The following ERBB4 variants were observed in gnomAD, a reference collection of about 807,000 sequenced individuals.
ERBB4 encodes receptor tyrosine-protein kinase erbB-4.
In ERBB4, 42 loss-of-function variants were observed where a neutral mutation model predicts 158.0. The observed-to-expected ratio is 0.27, with a 90% CI of 0.21 to 0.34. The LOEUF is 0.34. ERBB4 is among the 10% of genes least tolerant of loss of function. The pLI, the probability that ERBB4 is intolerant of heterozygous loss-of-function variation, is 1.00. For missense variants in ERBB4, 1,333 were observed against 1,624.1 expected, an observed-to-expected ratio of 0.82 and a Z score of 3.08; for synonymous variants, 583 against 558.7, an observed-to-expected ratio of 1.04 and a Z score of -0.61.
At chr2:212,120,334 T>G (rs2079709560) in intron 2 of ERBB4, among the ~76,000 whole-genome samples, 1 of 152,202 alleles carries the variant, frequency 6.6e-6, no homozygotes, top group South Asian at 2.1e-4. Context: ...TTGATTGTCT[T>G]ATTCCCACAT....
intron 1 of ERBB4, among the ~76,000 whole-genome samples, chr2:212,437,608 C>G (rs1231149238): frequency 6.6e-6 from 1 of 151,924 alleles, no homozygotes; most frequent in Non-Finnish European, 1.5e-5. Flanking sequence ...TAAGTATTCT[C>G]TATTGTACAT....
chr2:211,436,444 G>A (rs1481498835), intron 20 of ERBB4, among the ~76,000 whole-genome samples: 2 of 152,092 alleles, frequency 1.3e-5, no homozygotes, highest in Non-Finnish European at 2.9e-5. Flanking sequence ...TACTCTCTCT[G>A]TCATCACCTT....
At chr2:212,206,002 A>G (rs1295680539) in intron 1 of ERBB4, among the ~76,000 whole-genome samples, 1 of 152,184 alleles carries the variant, frequency 6.6e-6, no homozygotes, top group Non-Finnish European at 1.5e-5. Context: ...GAGTCCTTAT[A>G]ATACCTATGA....
intron 1 of ERBB4, among the ~76,000 whole-genome samples, chr2:212,296,399 TA>T (rs375191048): frequency 1.7e-4 from 25 of 147,000 alleles, no homozygotes; most frequent in Admixed American, 2.7e-4. Context: ...GCTTCTAATC[TA>T]AAAAAAAAAG....
At chr2:211,988,240 AAGAGTGAGT>A (rs1559257240) in intron 2 of ERBB4, among the ~76,000 whole-genome samples, 1 of 152,128 alleles carries the variant, frequency 6.6e-6, no homozygotes, top group African/African-American at 2.4e-5. Flanking sequence ...ACGGTGGTTT[AAGAGTGAGT>A]TCCAAATAAC....
intron 4 of ERBB4, chr2:211,777,928 G>A (rs2075926336): frequency 6.6e-6 from 1 of 152,164 alleles, no homozygotes; most frequent in Admixed American, 6.6e-5. Context: ...CTTAATTTCT[G>A]TAACAGACCT....
intron 1 of ERBB4, among the ~76,000 whole-genome samples, chr2:212,147,360 A>C (rs993521196): frequency 1.3e-4 from 20 of 151,912 alleles, no homozygotes; most frequent in African/African-American, 4.1e-4. Context: ...GAATTTCTTC[A>C]TTATATAAAA....
At chr2:211,415,568 GC>G (rs1457109093) in intron 25 of ERBB4, among the ~76,000 whole-genome samples, 1 of 152,060 alleles carries the variant, frequency 6.6e-6, no homozygotes, top group Non-Finnish European at 1.5e-5. Context: ...TTCTTTTTAT[GC>G]AGGAGTTGGG....
intron 1 of ERBB4, among the ~76,000 whole-genome samples, chr2:212,219,284 T>C (rs565840006): frequency 1.3e-5 from 2 of 151,558 alleles, no homozygotes; most frequent in South Asian, 4.1e-4. Flanking sequence ...ACATATGAAT[T>C]ATAAATGGTA....
chr2:211,698,229 T>A (rs977145548), intron 12 of ERBB4, among the ~76,000 whole-genome samples: 13 of 151,432 alleles, frequency 8.6e-5, no homozygotes, highest in African/African-American at 2.7e-4. Flanking sequence ...GGAGAATTGC[T>A]TGAACCAGGG....
chr2:211,639,457 C>T (rs2070487319), intron 16 of ERBB4, among the ~76,000 whole-genome samples: 1 of 152,180 alleles, frequency 6.6e-6, no homozygotes, highest in Non-Finnish European at 1.5e-5. Flanking sequence ...ATTACATAAA[C>T]ACTGCTCTGT....
At chr2:212,197,018 C>G (rs529815373) in intron 1 of ERBB4, among the ~76,000 whole-genome samples, 3 of 152,104 alleles carry the variant, frequency 2.0e-5, no homozygotes, top group African/African-American at 7.2e-5. Flanking sequence ...TTTTTTCTTT[C>G]GTTTTAAATA....
chr2:211,722,527 A>T lies in ERBB4; in HGVS notation c.749T>A (p.Met250Lys), dbSNP rs1374562056. The T allele has an allele frequency of 1.2e-6, 2 of 1,613,946 alleles. No individual in the cohort carries two copies. The highest frequency in any genetic ancestry group is 1.7e-6 in the Non-Finnish European group (2 of 1,179,930). ...ACATGCTCCACTGTCATTGAAATTCATGCAGGCCTGCAACACAGCAAATAT... is the reference window on the plus strand; with the variant it reads ...ACATGCTCCACTGTCATTGAAATTCTTGCAGGCCTGCAACACAGCAAATAT... ...GPKDTDCFAC[M>K]NFNDSGACVT... Residue 250 changes from methionine (M) to lysine (K), a missense_variant, in exon 7 of 28, where the codon ATG becomes AAG. This residue lies in a region of ERBB4 where 438 missense variants were observed against 586.9 expected (regional missense o/e 0.75). Transcript: ENST00000342788.
intron 4 of ERBB4, among the ~76,000 whole-genome samples, chr2:211,781,923 G>A (rs1413488502): frequency 6.6e-6 from 1 of 152,168 alleles, no homozygotes; most frequent in Non-Finnish European, 1.5e-5. Flanking sequence ...ATGCACTGCA[G>A]TCTCTAAGGG....
rs1001529962 is a variant in ERBB4 at position 211,668,591 on chromosome 2, C to CT, written c.1717-3115dup. Among the ~76,000 whole-genome samples the CT allele has an allele frequency of 4.2e-3, 623 of 149,340 alleles. 3 individuals carry two copies. Among genetic ancestry groups the CT allele is most frequent in the African/African-American group, 0.013 (524 of 40,716 alleles). ...AGGCTGAATCCTTATAGAAGCATGACTTTTTTTTTTGAGTCGTCATTGATG... is the reference window on the plus strand; with the variant it reads ...AGGCTGAATCCTTATAGAAGCATGACTTTTTTTTTTTGAGTCGTCATTGATG... On this transcript the variant is annotated intron_variant, in intron 14 of 27. Coordinates refer to ENST00000342788, the MANE Select transcript of ERBB4 (RefSeq NM_005235.3).
intron 3 of ERBB4, among the ~76,000 whole-genome samples, chr2:211,925,299 A>C (rs760737578): frequency 2.0e-5 from 3 of 152,148 alleles, no homozygotes; most frequent in Non-Finnish European, 4.4e-5. Flanking sequence ...CAAAGATATA[A>C]ACACTACCAA....
chr2:211,997,217 T>C (rs1263882257), intron 2 of ERBB4, among the ~76,000 whole-genome samples: 1 of 152,156 alleles, frequency 6.6e-6, no homozygotes, highest in African/African-American at 2.4e-5. Flanking sequence ...CTATAATTCC[T>C]TCCTTTTCAA....
At chr2:212,178,796 C>G (rs2125686354) in intron 1 of ERBB4, among the ~76,000 whole-genome samples, 1 of 151,562 alleles carries the variant, frequency 6.6e-6, no homozygotes, top group East Asian at 1.9e-4. Flanking sequence ...ATGGAAGACT[C>G]TCCTCCATCG....
In ERBB4 at chr2:211,709,250, T is replaced by TATACAC. The variant is rs796457073; in HGVS notation, c.1124+2799_1124+2800insGTGTAT. ...GCGTGTGTGTGTATATATATATATA[T>TATACAC]ACACATATATATATATATATATATA... On this transcript the variant is annotated intron_variant, in intron 9 of 27. Coordinates refer to ENST00000342788, the MANE Select transcript of ERBB4 (RefSeq NM_005235.3). 2.1e-3 allele frequency among the ~76,000 whole-genome samples: 255 copies of TATACAC among 124,298 alleles called. 5 individuals are homozygous for TATACAC. In the East Asian group the frequency reaches 0.075, roughly 37 times the overall value. 81.5% of individuals were successfully genotyped at this position (124,298 alleles called of 152,430 possible). A position where few individuals can be genotyped will look rare whatever the true frequency, so the allele number is the denominator to read the frequency against.
Sources: allele counts gnomAD v4.1 joint callset (sites outside exome capture counted in the v4.1 genomes callset), GRCh38; gene constraint gnomAD v4.1.1; regional missense constraint gnomAD v4.1.1; transcripts MANE v1.5; gene names NCBI Gene and HGNC (gene_info 2026-07-23, HGNC 2026-07-21).